CCM2: variants seen among roughly 807,000 people sequenced by gnomAD.
The protein encoded by CCM2 is cerebral cavernous malformations 2 protein.
CCM2 carries 25 observed loss-of-function variants against 44.9 expected under a neutral mutation model. The observed-to-expected ratio is 0.56, with a 90% CI of 0.41 to 0.78. The LOEUF is 0.78. CCM2 is among the 30% of genes least tolerant of loss of function. CCM2 has a pLI of 0.00. For synonymous variants in CCM2, 219 were observed against 241.1 expected (o/e 0.91, Z 0.85); for missense variants, 481 against 580.6 (o/e 0.83, Z 1.76).
At chr7:45,040,102 G>C (rs1345577632) in intron 2 of CCM2, among the ~76,000 whole-genome samples, 1 of 150,022 alleles carries the variant, frequency 6.7e-6, no homozygotes, top group Non-Finnish European at 1.5e-5. Context: ...AAAGATAAAA[G>C]TAAAAAAAAA....
chr7:45,013,649 ACTTT>A (rs1054540903), intron 1 of CCM2, among the ~76,000 whole-genome samples: 2 of 152,198 alleles, frequency 1.3e-5, no homozygotes, highest in Admixed American at 6.5e-5. Flanking sequence ...TTGTTATGAT[ACTTT>A]CTTTATATAG....
chr7:45,022,407 C>G (rs111482123), intron 1 of CCM2, among the ~76,000 whole-genome samples: 2 of 146,186 alleles, frequency 1.4e-5, no homozygotes, highest in Non-Finnish European at 3.0e-5. Context: ...CCCGGGTTCA[C>G]GCCATTCTCC....
intron 1 of CCM2, among the ~76,000 whole-genome samples, chr7:45,016,526 C>G (rs1474646278): frequency 1.3e-5 from 2 of 151,272 alleles, no homozygotes; most frequent in Admixed American, 1.3e-4. Context: ...GACGGGGTTT[C>G]ATTATATTGG....
At chr7:45,026,497 G>T (rs1341291183) in intron 1 of CCM2, among the ~76,000 whole-genome samples, 1 of 151,538 alleles carries the variant, frequency 6.6e-6, no homozygotes, top group Non-Finnish European at 1.5e-5. Flanking sequence ...AAACACTGTT[G>T]AAAATCAGCA....
chr7:45,047,757 T>G (rs2128736925), intron 2 of CCM2, among the ~76,000 whole-genome samples: 1 of 152,314 alleles, frequency 6.6e-6, no homozygotes, highest in Non-Finnish European at 1.5e-5. Context: ...CTCACAGTGA[T>G]GGGTGCTCTG....
chr7:45,055,410 C>T (rs573077531), intron 2 of CCM2, among the ~76,000 whole-genome samples: 6 of 152,226 alleles, frequency 3.9e-5, no homozygotes, highest in South Asian at 2.1e-4. Context: ...TATTATCGGC[C>T]GGGCCCGGTG....
chr7:45,076,122 C>T lies in CCM2; in HGVS notation c.*65C>T, dbSNP rs1247805300. On this transcript the variant is annotated 3_prime_UTR_variant, in exon 10 of 10. Coordinates refer to ENST00000258781, the MANE Select transcript of CCM2 (RefSeq NM_031443.4). Reference sequence around the variant, plus strand: ...TCGTCATAGGCCTTCCCAGAAGGAGCTGCCCAGACCTGCGTGTCAGCCCTT... The same window carrying T: ...TCGTCATAGGCCTTCCCAGAAGGAGTTGCCCAGACCTGCGTGTCAGCCCTT... 1.5e-5 allele frequency: 24 copies of T among 1,599,680 alleles called. No individual in the cohort carries two copies. The highest frequency in any genetic ancestry group is 2.0e-5 in the Non-Finnish European group (24 of 1,175,406).
In CCM2 at chr7:45,033,730, G is replaced by A. The variant is rs139663243; in HGVS notation, c.31-4523G>A. ...GCCTCTGTATTTCCATAACCTCCAG[G>A]CCAGGGTCTTGCACATCATAGGGCC... is the stretch of plus-strand genomic sequence containing the variant. On this transcript the variant is annotated intron_variant, in intron 1 of 9. Coordinates refer to ENST00000258781, the MANE Select transcript of CCM2 (RefSeq NM_031443.4). Among the ~76,000 whole-genome samples the A allele has an allele frequency of 3.9e-5, 6 of 152,298 alleles. No homozygotes were observed. In the East Asian group the frequency reaches 5.8e-4, roughly 15 times the overall value.
At position 45,076,331 on chromosome 7, in the gene CCM2, G is replaced by T; in HGVS notation, c.*274G>T. 1.6e-6 allele frequency: 1 copy of T among 635,306 alleles called. No homozygotes were observed. The highest frequency in any genetic ancestry group is 2.9e-6 in the Non-Finnish European group (1 of 343,074). 39.4% of individuals were successfully genotyped at this position (635,306 alleles called of 1,614,324 possible). ...CCCCGCTCGGGGAGGGCCCGGCCGA[G>T]CGGGCAGGGAGAGCCAGTCCTGTCG... On this transcript the variant is annotated 3_prime_UTR_variant, in exon 10 of 10. Transcript: ENST00000258781.
At chr7:45,021,574 AAT>A (rs1796483409) in intron 1 of CCM2, among the ~76,000 whole-genome samples, 1 of 151,424 alleles carries the variant, frequency 6.6e-6, no homozygotes, top group Non-Finnish European at 1.5e-5. Flanking sequence ...AAAAAAAAAA[AAT>A]AAAATAAAAT....
intron 2 of CCM2, among the ~76,000 whole-genome samples, chr7:45,058,614 C>T (rs1209000080): frequency 1.3e-5 from 2 of 151,850 alleles, no homozygotes; most frequent in African/African-American, 2.4e-5. Flanking sequence ...ATGATGGTTT[C>T]CAGTTTCATA....
chr7:45,070,035 A>T lies in CCM2; in HGVS notation c.745+74A>T. On this transcript the variant is annotated intron_variant, in intron 6 of 9. Transcript: ENST00000258781. ...CTACTGCAGTGGCCCCCAGCTCCCCATGAGTTACTCCTGGAATAGCGCAGT... is the reference window on the plus strand; with the variant it reads ...CTACTGCAGTGGCCCCCAGCTCCCCTTGAGTTACTCCTGGAATAGCGCAGT... 4 of 1,577,328 alleles carry T rather than the reference A, an allele frequency of 2.5e-6. No individual in the cohort carries two copies. In the East Asian group the frequency reaches 9.0e-5, roughly 35 times the overall value.
Position 45,048,056 on chromosome 7 carries a change from C to A in CCM2, c.204+9630C>A, listed in dbSNP as rs988913455. On this transcript the variant is annotated intron_variant, in intron 2 of 9. Transcript: ENST00000258781. ...GAGAGGGAAAGTGGGAATGGTGATA[C>A]AATTGGAAGTCAATATCTTAAATTG... Among the ~76,000 whole-genome samples the A allele has an allele frequency of 2.7e-5, 4 of 149,272 alleles. No individual in the cohort carries two copies. The East Asian group carries it at 5.9e-4, about 22-fold the overall frequency.
chr7:45,047,196 G>A (rs1421902392), intron 2 of CCM2, among the ~76,000 whole-genome samples: 1 of 152,104 alleles, frequency 6.6e-6, no homozygotes, highest in Non-Finnish European at 1.5e-5. Flanking sequence ...CGAACAACTT[G>A]GCAATTGCAC....
intron 1 of CCM2, among the ~76,000 whole-genome samples, chr7:45,025,161 C>T (rs1796633701): frequency 6.6e-6 from 1 of 152,170 alleles, no homozygotes; most frequent in East Asian, 1.9e-4. Context: ...TAAGTAGGTA[C>T]TTATATAAGA....
chr7:45,073,396 C>T, intron 7 of CCM2, 64 bp from the exon 8 acceptor site: 1 of 1,117,574 alleles, frequency 8.9e-7, no homozygotes, highest in Non-Finnish European at 1.4e-6. Context: ...ACTAGGTTTC[C>T]TGAAACGTGT....
At chr7:45,045,730 G>T (rs957949106) in intron 2 of CCM2, among the ~76,000 whole-genome samples, 1 of 152,200 alleles carries the variant, frequency 6.6e-6, no homozygotes, top group East Asian at 1.9e-4. Context: ...GGCGGAGCTT[G>T]CAGTGAGCCC....
intron 4 of CCM2, among the ~76,000 whole-genome samples, chr7:45,065,444 A>C (rs564851776): frequency 7.7e-4 from 118 of 152,324 alleles, no homozygotes; most frequent in Non-Finnish European, 1.4e-3. Context: ...CCAGAGGGCC[A>C]GTGGCAGGGT....
intron 2 of CCM2, among the ~76,000 whole-genome samples, chr7:45,055,957 T>C (rs1267474789): frequency 6.6e-6 from 1 of 152,254 alleles, no homozygotes; most frequent in Non-Finnish European, 1.5e-5. Flanking sequence ...GTGACTGGCT[T>C]ATTTCGCTTA....
Sources: gnomAD v4.1 joint callset for allele counts (sites outside exome capture counted in the v4.1 genomes callset) on GRCh38, gnomAD v4.1.1 for gene constraint, MANE v1.5 for transcripts, NCBI Gene and HGNC (gene_info 2026-07-23, HGNC 2026-07-21) for gene names.